Variants in FAM185A observed in about 807,000 individuals in gnomAD.
The protein encoded by FAM185A is protein FAM185A.
A neutral mutation model predicts 45.7 loss-of-function variants in FAM185A; 21 were observed. That is an observed-to-expected ratio of 0.46 (90% CI 0.33 to 0.66). FAM185A has a LOEUF of 0.66. Among genes scored for constraint, FAM185A ranks in the 30% least tolerant of loss-of-function variants. The pLI, the probability that FAM185A is intolerant of heterozygous loss-of-function variation, is 0.03. For synonymous variants in FAM185A, 117 were observed against 194.0 expected, an observed-to-expected ratio of 0.60 and a Z score of 3.30; for missense variants, 305 against 485.4, an observed-to-expected ratio of 0.63 and a Z score of 3.49.
At chr7:102,771,492 A>T (rs1794740070) in intron 4 of FAM185A, among the ~76,000 whole-genome samples, 1 of 152,158 alleles carries the variant, frequency 6.6e-6, no homozygotes, top group Admixed American at 6.6e-5. Flanking sequence ...TTTTGCAATT[A>T]GGCGCATCTG....
intron 7 of FAM185A, among the ~76,000 whole-genome samples, chr7:102,789,537 C>T (rs774158316): frequency 6.6e-6 from 1 of 152,158 alleles, no homozygotes; most frequent in African/African-American, 2.4e-5. Context: ...AGTGAAACCC[C>T]CATTTCTACT....
At chr7:102,778,229 C>A (rs1255147758) in intron 6 of FAM185A, among the ~76,000 whole-genome samples, 1 of 152,038 alleles carries the variant, frequency 6.6e-6, no homozygotes, top group Admixed American at 6.6e-5. Flanking sequence ...AGTGTCAAAA[C>A]TGCAAAACAC....
chr7:102,809,093 G>A lies in FAM185A; in HGVS notation c.*691G>A, dbSNP rs974491616. 6.6e-6 allele frequency: 1 copy of A among 152,172 alleles called. No individual in the cohort carries two copies. Among genetic ancestry groups the A allele is most frequent in the Admixed American group, 6.5e-5 (1 of 15,278 alleles). The allele number at this position is 152,172 out of a possible 1,614,324, so 9.4% of individuals were successfully genotyped here. ...CTCAAGGAAAGGAGATTATACAAAG[G>A]CATCCATCATGTGGGGACAATTAGC... On this transcript the variant is annotated 3_prime_UTR_variant, in exon 8 of 8. Coordinates refer to ENST00000413034, the MANE Select transcript of FAM185A (RefSeq NM_001145268.2).
downstream of FAM185A, among the ~76,000 whole-genome samples, chr7:102,812,592 T>C (rs1797489706): frequency 6.6e-6 from 1 of 152,200 alleles, no homozygotes; most frequent in South Asian, 2.1e-4. Context: ...TATGTCTGTA[T>C]TCTTTATAAA....
chr7:102,833,605 T>C, the FAM185A span, among the ~76,000 whole-genome samples: 27 of 151,664 alleles, frequency 1.8e-4, no homozygotes, highest in Non-Finnish European at 1.8e-4. Flanking sequence ...TCTTTTTTTT[T>C]TTTTTTAGTA....
rs1418168419 is a variant in FAM185A at position 102,749,599 on chromosome 7, T to C, written c.392T>C (p.Ile131Thr). The C allele has an allele frequency of 1.3e-6, 2 of 1,524,186 alleles. No homozygotes were observed. 94.4% of individuals were successfully genotyped at this position (1,524,186 alleles called of 1,614,324 possible). ...GACGAGGATCTGGAGGAGATGGCCATTGTGTCTGATACTATCCACCCCCAG... is the reference window on the plus strand; with the variant it reads ...GACGAGGATCTGGAGGAGATGGCCACTGTGTCTGATACTATCCACCCCCAG... ...KYDEDLEEMA[I>T]VSDTIHPQAS... Residue 131 changes from isoleucine (I) to threonine (T), a missense_variant, in exon 1 of 8, where the codon ATT (isoleucine) becomes ACT (threonine). Transcript: ENST00000413034.
the FAM185A span, among the ~76,000 whole-genome samples, chr7:102,843,304 G>A: frequency 8.5e-3 from 1,287 of 151,826 alleles, 22 homozygotes; most frequent in African/African-American, 0.03. Flanking sequence ...TTACCTGGGC[G>A]TGGTGGCGCA....
chr7:102,833,404 T>C, the FAM185A span, among the ~76,000 whole-genome samples: 3 of 151,928 alleles, frequency 2.0e-5, no homozygotes, highest in African/African-American at 7.3e-5. Flanking sequence ...CTCTTAAATC[T>C]TAGCAAGTTA....
At chr7:102,754,506 TA>T (rs1192775278) in intron 2 of FAM185A, among the ~76,000 whole-genome samples, 1 of 152,280 alleles carries the variant, frequency 6.6e-6, no homozygotes, top group Non-Finnish European at 1.5e-5. Context: ...TTTATAGCAA[TA>T]ATAATAACTA....
At chr7:102,821,986 T>C in the FAM185A span, 2 of 1,562,978 alleles carry the variant, frequency 1.3e-6, no homozygotes, top group Non-Finnish European at 1.8e-6. Flanking sequence ...CCATATACTA[T>C]GTTTTCTCAG....
chr7:102,751,537 G>A (rs770747328), intron 1 of FAM185A, among the ~76,000 whole-genome samples, 155 bp from the exon 2 acceptor site: 3 of 147,616 alleles, frequency 2.0e-5, no homozygotes, highest in East Asian at 2.0e-4. Flanking sequence ...TTTTGGTCCC[G>A]TTGCTGTGGT....
chr7:102,813,383 C>A, downstream of FAM185A: 1 of 1,613,990 alleles, frequency 6.2e-7, no homozygotes, highest in Non-Finnish European at 8.5e-7. Context: ...GACTTTTTCA[C>A]TGTTAATTCT....
At chr7:102,766,947 A>G (rs1171890039) in intron 4 of FAM185A, among the ~76,000 whole-genome samples, 8 of 151,740 alleles carry the variant, frequency 5.3e-5, no homozygotes, top group Admixed American at 2.0e-4. Flanking sequence ...GGCGCCTGCT[A>G]CCACGCCTGG....
intron 7 of FAM185A, among the ~76,000 whole-genome samples, chr7:102,807,074 T>G (rs1266807570): frequency 1.3e-5 from 2 of 152,136 alleles, no homozygotes; most frequent in Admixed American, 1.3e-4. Context: ...GAAGACGGAT[T>G]TTTTTAAAAA....
the FAM185A span, among the ~76,000 whole-genome samples, chr7:102,841,537 A>G: frequency 2.0e-5 from 3 of 152,196 alleles, no homozygotes; most frequent in Non-Finnish European, 2.9e-5. Flanking sequence ...TTCGGCCAAG[A>G]AAACACAGTA....
intron 4 of FAM185A, among the ~76,000 whole-genome samples, chr7:102,764,893 T>G (rs151073314): frequency 0.017 from 2,514 of 152,300 alleles, 54 homozygotes; most frequent in African/African-American, 0.057. Flanking sequence ...GCAGTAACTT[T>G]CTTTTTGGTG....
chr7:102,796,709 C>G (rs1584354243), intron 7 of FAM185A, among the ~76,000 whole-genome samples: 1 of 152,110 alleles, frequency 6.6e-6, no homozygotes, highest in East Asian at 1.9e-4. Context: ...GCAAAAAAAC[C>G]CATGAGTTAT....
chr7:102,821,888 C>T, the FAM185A span: 2 of 827,038 alleles, frequency 2.4e-6, no homozygotes, highest in Non-Finnish European at 3.7e-6. Context: ...TTTAGAACAA[C>T]TCACAATGTT....
rs575746474 is a variant in FAM185A, at chr7:102,779,385, G to C, written c.931+2037G>C. Among the ~76,000 whole-genome samples the C allele has an allele frequency of 6.6e-5, 10 of 152,098 alleles. No homozygotes were observed. The East Asian group carries it at 1.9e-3, about 29-fold the overall frequency. On this transcript the variant is annotated intron_variant, in intron 6 of 7. Coordinates refer to ENST00000413034, the MANE Select transcript of FAM185A (RefSeq NM_001145268.2). ...GGAGGGAGATGGGGTAGAAATCTTTGCATTGCTTAACATTTCTAAAGATCT... is the reference window on the plus strand; with the variant it reads ...GGAGGGAGATGGGGTAGAAATCTTTCCATTGCTTAACATTTCTAAAGATCT...
Sources: gnomAD v4.1 joint callset for allele counts (sites outside exome capture counted in the v4.1 genomes callset) on GRCh38, gnomAD v4.1.1 for gene constraint, MANE v1.5 for transcripts, NCBI Gene and HGNC (gene_info 2026-07-23, HGNC 2026-07-21) for gene names.